The following VPS53 variants were observed in gnomAD, a reference collection of about 807,000 sequenced individuals.
VPS53 encodes VPS53 subunit of GARP complex, also known as vacuolar protein sorting-associated protein 53 homolog.
A neutral mutation model predicts 107.0 loss-of-function variants in VPS53; 70 were observed. That is an observed-to-expected ratio of 0.65 (90% CI 0.54 to 0.80). The LOEUF (loss-of-function observed/expected upper bound fraction) is 0.80, where lower values mean the gene tolerates loss of function less well. Among genes scored for constraint, VPS53 ranks in the 30% least tolerant of loss-of-function variants. VPS53 has a pLI of 0.00. For synonymous variants in VPS53, 409 were observed against 393.3 expected (o/e 1.04, Z -0.47); for missense variants, 917 against 1,049.4 (o/e 0.87, Z 1.74).
At chr17:558,585 G>C (rs1034255321) in intron 15 of VPS53, among the ~76,000 whole-genome samples, 5 of 152,186 alleles carry the variant, frequency 3.3e-5, no homozygotes, top group Admixed American at 1.3e-4. Flanking sequence ...AGTGAGCCGA[G>C]ATCGTGCCAC....
chr17:553,522 C>G, intron 15 of VPS53, 60 bp from the exon 16 acceptor site: 1 of 1,204,940 alleles, frequency 8.3e-7, no homozygotes, highest in Non-Finnish European at 1.2e-6. Context: ...AGTACCATCA[C>G]AATAATAGTT....
chr17:615,698 T>C (rs995138622), intron 11 of VPS53, among the ~76,000 whole-genome samples: 3 of 152,226 alleles, frequency 2.0e-5, no homozygotes, highest in African/African-American at 2.4e-5. Context: ...TTTATTCTGG[T>C]ATTTTGAAAC....
intron 13 of VPS53, among the ~76,000 whole-genome samples, chr17:569,083 G>T (rs1382787073): frequency 2.0e-5 from 3 of 152,166 alleles, no homozygotes; most frequent in African/African-American, 7.2e-5. Flanking sequence ...CGACTCCAGG[G>T]CTGGGATACA....
intron 11 of VPS53, among the ~76,000 whole-genome samples, chr17:618,283 T>G (rs1331187969): frequency 1.1e-5 from 1 of 92,158 alleles, no homozygotes; most frequent in Non-Finnish European, 2.5e-5. Flanking sequence ...CCCGGGTAGC[T>G]GGGACTACAG....
intron 17 of VPS53, among the ~76,000 whole-genome samples, chr17:548,492 A>G (rs4968072): frequency 0.13 from 4,718 of 35,624 alleles, 223 homozygotes; most frequent in South Asian, 0.16. Flanking sequence ...ATCATCCAAC[A>G]ACTACACTCC....
At chr17:691,692 C>T (rs1458306000) in intron 4 of VPS53, among the ~76,000 whole-genome samples, 3 of 152,222 alleles carry the variant, frequency 2.0e-5, no homozygotes, top group Non-Finnish European at 4.4e-5. Context: ...GACCAGGTCA[C>T]GAATCATTCC....
At chr17:693,928 C>T (rs1051223574) in intron 4 of VPS53, among the ~76,000 whole-genome samples, 1 of 152,174 alleles carries the variant, frequency 6.6e-6, no homozygotes, top group Admixed American at 6.5e-5. Context: ...GCCTCTTGAC[C>T]TACAAAACTC....
chr17:589,233 A>G lies in VPS53; in HGVS notation c.1219-2869T>C. 2.6e-5 allele frequency among the ~76,000 whole-genome samples: 4 copies of G among 152,074 alleles called. No homozygotes were observed. In the South Asian group the frequency reaches 8.3e-4, roughly 32 times the overall value. On this transcript the variant is annotated intron_variant, in intron 12 of 21. Transcript: ENST00000437048. ...TTTGCTTTTTTTTTAAATTTTGAAC[A>G]TGTATATTTTGTATTCAGCTTTACT...
At chr17:571,883 C>T (rs1914137464) in intron 13 of VPS53, among the ~76,000 whole-genome samples, 2 of 152,172 alleles carry the variant, frequency 1.3e-5, no homozygotes, top group Non-Finnish European at 2.9e-5. Flanking sequence ...GGCGTGATCT[C>T]GGCTCGCTAC....
intron 12 of VPS53, among the ~76,000 whole-genome samples, chr17:588,111 T>A (rs951831312): frequency 2.6e-5 from 4 of 151,888 alleles, no homozygotes; most frequent in African/African-American, 7.3e-5. Flanking sequence ...AGGTCAGGAG[T>A]TCAAGACCAG....
intron 7 of VPS53, among the ~76,000 whole-genome samples, chr17:650,361 G>T (rs1027943467): frequency 6.6e-6 from 1 of 152,050 alleles, no homozygotes; most frequent in Non-Finnish European, 1.5e-5. Flanking sequence ...GCCAGGCATG[G>T]TGGTATTTGC....
intron 4 of VPS53, among the ~76,000 whole-genome samples, chr17:695,188 G>A (rs1444459532): frequency 1.3e-5 from 2 of 152,202 alleles, no homozygotes; most frequent in East Asian, 1.9e-4. Context: ...GATTTATGGA[G>A]AAAGGACATC....
At chr17:550,144 A>T (rs1207706193) in intron 17 of VPS53, among the ~76,000 whole-genome samples, 1 of 152,090 alleles carries the variant, frequency 6.6e-6, no homozygotes, top group East Asian at 1.9e-4. Flanking sequence ...GGAGGCAGAG[A>T]TCCACAGTTC....
At chr17:535,369 T>C (rs573948059) in intron 18 of VPS53, among the ~76,000 whole-genome samples, 44 of 151,362 alleles carry the variant, frequency 2.9e-4, no homozygotes, top group African/African-American at 1.1e-3. Flanking sequence ...AGCTCAATCA[T>C]ATGACTGAGC....
chr17:519,967 A>C lies in VPS53; in HGVS notation c.2224-37T>G. 2 of 1,437,408 alleles carry C rather than the reference A, an allele frequency of 1.4e-6. No homozygotes were observed. Among genetic ancestry groups the C allele is most frequent in the Non-Finnish European group, 9.6e-7 (1 of 1,043,116 alleles). The allele number at this position is 1,437,408 out of a possible 1,614,324, so 89.0% of individuals were successfully genotyped here. A position where few individuals can be genotyped will look rare whatever the true frequency, so the allele number is the denominator to read the frequency against. On this transcript the variant is annotated intron_variant, in intron 20 of 21. Coordinates refer to ENST00000437048, the MANE Select transcript of VPS53 (RefSeq NM_001128159.3). The surrounding 1 kb of genome is among the most constrained non-coding windows in gnomAD (Gnocchi z 5.0). ...GGAGACAGGAGCAAGCCCCTCAGGA[A>C]AACTACCACCACGGGAGGAGACAGG... is the stretch of plus-strand genomic sequence containing the variant.
chr17:636,234 T>A (rs957883195), intron 7 of VPS53, among the ~76,000 whole-genome samples: 7 of 152,234 alleles, frequency 4.6e-5, no homozygotes, highest in Non-Finnish European at 8.8e-5. Context: ...TATTGGTGCA[T>A]AAGAATGCTT....
At chr17:543,278 AGAACAGACTT>A (rs1910847181) in intron 17 of VPS53, among the ~76,000 whole-genome samples, 1 of 152,248 alleles carries the variant, frequency 6.6e-6, no homozygotes, top group African/African-American at 2.4e-5. Flanking sequence ...GAGGAAAATG[AGAACAGACTT>A]GAGAACTCTT....
chr17:607,569 C>T (rs1352520117), intron 11 of VPS53, among the ~76,000 whole-genome samples: 1 of 152,198 alleles, frequency 6.6e-6, no homozygotes, highest in Non-Finnish European at 1.5e-5. Context: ...CTCAGGCTTG[C>T]TTTGCAGCTG....
chr17:528,595 C>CT lies in VPS53; in HGVS notation c.2085+4246dup, dbSNP rs138081726. 8.1e-3 allele frequency among the ~76,000 whole-genome samples: 824 copies of CT among 101,258 alleles called. 8 individuals are homozygous for CT. Among genetic ancestry groups the CT allele is most frequent in the Non-Finnish European group, 0.013 (700 of 54,150 alleles). The allele number at this position is 101,258 out of a possible 152,430, so 66.4% of individuals were successfully genotyped here. A position where few individuals can be genotyped will look rare whatever the true frequency, so the allele number is the denominator to read the frequency against. ...GTGTGAACACATTTTTTTTTCAATTCTTTTTTTTTTTTTTTTTTTTGAGAC... is the reference window on the plus strand; with the variant it reads ...GTGTGAACACATTTTTTTTTCAATTCTTTTTTTTTTTTTTTTTTTTTGAGAC... On this transcript the variant is annotated intron_variant, in intron 19 of 21. Transcript: ENST00000437048.
Sources: gnomAD v4.1 joint callset for allele counts (sites outside exome capture counted in the v4.1 genomes callset) on GRCh38, gnomAD v4.1.1 for gene constraint, Gnocchi (gnomAD v3.1) non-coding constraint, MANE v1.5 for transcripts, NCBI Gene and HGNC (gene_info 2026-07-23, HGNC 2026-07-21) for gene names.